Variants in ZFPM2 observed in about 807,000 individuals in gnomAD.
The protein encoded by ZFPM2 is zinc finger protein, FOG family member 2.
Under a neutral mutation model 98.6 loss-of-function variants are expected in ZFPM2, and 20 were observed. The observed-to-expected ratio is 0.20, with a 90% CI of 0.14 to 0.29. The LOEUF (loss-of-function observed/expected upper bound fraction) is 0.29. Ranked by LOEUF, ZFPM2 falls within the 10% of genes least tolerant of loss-of-function variation. ZFPM2 has a pLI of 1.00. For synonymous variants in ZFPM2, 518 were observed against 502.7 expected, an observed-to-expected ratio of 1.03 and a Z score of -0.41; for missense variants, 1,310 against 1,388.6, an observed-to-expected ratio of 0.94 and a Z score of 0.90.
intron 3 of ZFPM2, among the ~76,000 whole-genome samples, chr8:105,559,023 A>G (rs564913660): frequency 3.7e-4 from 56 of 152,270 alleles, no homozygotes; most frequent in African/African-American, 1.3e-3. Flanking sequence ...GAATATGCAT[A>G]TATTGAGTCG....
At chr8:105,359,927 C>T (rs1397687435) in intron 1 of ZFPM2, among the ~76,000 whole-genome samples, 1 of 152,134 alleles carries the variant, frequency 6.6e-6, no homozygotes. Context: ...CTATGATGAG[C>T]AAGGGAAAGC....
At chr8:105,600,699 A>G (rs1177276582) in intron 4 of ZFPM2, among the ~76,000 whole-genome samples, 2 of 151,646 alleles carry the variant, frequency 1.3e-5, no homozygotes, top group African/African-American at 2.4e-5. Context: ...ATTGTTTTGG[A>G]TAATCATATG....
intron 5 of ZFPM2, among the ~76,000 whole-genome samples, chr8:105,697,161 ACTTTATAGTTCCACTT>A (rs570199425): frequency 1.5e-3 from 221 of 152,322 alleles, no homozygotes; most frequent in Middle Eastern, 0.01. Context: ...TTACTGTGAT[ACTTTATAGTTCCACTT>A]CTGTCTTACC....
chr8:105,575,212 A>G (rs1394894406), intron 4 of ZFPM2, among the ~76,000 whole-genome samples: 1 of 152,160 alleles, frequency 6.6e-6, no homozygotes, highest in African/African-American at 2.4e-5. Context: ...TACTTCATTA[A>G]TCAAGTGGAG....
chr8:105,498,628 C>A (rs759140737), intron 3 of ZFPM2, among the ~76,000 whole-genome samples: 1 of 152,182 alleles, frequency 6.6e-6, no homozygotes, highest in Non-Finnish European at 1.5e-5. Flanking sequence ...AGTTAAATCC[C>A]TGCAAAATAG....
chr8:105,545,373 G>A (rs934259102), intron 3 of ZFPM2, among the ~76,000 whole-genome samples: 1 of 152,106 alleles, frequency 6.6e-6, no homozygotes, highest in African/African-American at 2.4e-5. Context: ...CATCTCTCAT[G>A]TAAGTTGGTG....
chr8:105,659,797 C>T (rs1352971978), intron 5 of ZFPM2, among the ~76,000 whole-genome samples: 3 of 152,258 alleles, frequency 2.0e-5, no homozygotes, highest in South Asian at 2.1e-4. Context: ...AATAGTTTTA[C>T]ATGAGTTTGC....
At chr8:105,640,170 G>T (rs1563753882) in intron 5 of ZFPM2, among the ~76,000 whole-genome samples, 1 of 151,874 alleles carries the variant, frequency 6.6e-6, no homozygotes, top group African/African-American at 2.4e-5. Flanking sequence ...GAAGAAGTTG[G>T]GATTCAATCT....
intron 1 of ZFPM2, among the ~76,000 whole-genome samples, chr8:105,398,621 C>T (rs1161783354): frequency 6.6e-6 from 1 of 152,062 alleles, no homozygotes; most frequent in Non-Finnish European, 1.5e-5. Context: ...CAACCTAGAT[C>T]CCTCACATGC....
intron 4 of ZFPM2, among the ~76,000 whole-genome samples, chr8:105,612,418 C>T (rs963017101): frequency 6.6e-5 from 10 of 151,898 alleles, no homozygotes; most frequent in African/African-American, 2.4e-4. Flanking sequence ...CCTGAGAGGT[C>T]TGCAGTCTCT....
chr8:105,552,135 G>A (rs1159964189), intron 3 of ZFPM2, among the ~76,000 whole-genome samples: 2 of 151,992 alleles, frequency 1.3e-5, no homozygotes, highest in East Asian at 1.9e-4. Context: ...TCTTGTCATC[G>A]GACAGGATCA....
chr8:105,410,635 C>T (rs1430773649), intron 1 of ZFPM2, among the ~76,000 whole-genome samples: 2 of 151,678 alleles, frequency 1.3e-5, no homozygotes, highest in East Asian at 3.9e-4. Flanking sequence ...TTGATGTAAA[C>T]GTATTTGATA....
At chr8:105,489,467 T>TATATATATATATATATATATATA (rs372429625) in intron 3 of ZFPM2, among the ~76,000 whole-genome samples, 5 of 88,030 alleles carry the variant, frequency 5.7e-5, no homozygotes, top group African/African-American at 2.7e-4. Context: ...TATATATATA[T>TATATATATATATATATATATATA]TTTTTTTTTT....
At chr8:105,482,116 G>T (rs1813131997) in intron 3 of ZFPM2, among the ~76,000 whole-genome samples, 1 of 152,052 alleles carries the variant, frequency 6.6e-6, no homozygotes, top group South Asian at 2.1e-4. Context: ...TATGACAATG[G>T]ATTTGTCAGC....
intron 4 of ZFPM2, among the ~76,000 whole-genome samples, chr8:105,580,823 CTCTCTA>C (rs541750245): frequency 1.2e-4 from 15 of 129,286 alleles, no homozygotes; most frequent in Non-Finnish European, 1.3e-4. Context: ...CTCTCTCTCT[CTCTCTA>C]TATATATATA....
chr8:105,641,701 T>A (rs1816951657), intron 5 of ZFPM2, among the ~76,000 whole-genome samples: 1 of 152,134 alleles, frequency 6.6e-6, no homozygotes, highest in African/African-American at 2.4e-5. Context: ...AGTCTGGGTG[T>A]ACTGAATAGT....
At chr8:105,678,747 C>G (rs1246579916) in intron 5 of ZFPM2, 3 of 152,178 alleles carry the variant, frequency 2.0e-5, no homozygotes, top group Non-Finnish European at 4.4e-5. Flanking sequence ...TGTACAAGTG[C>G]TTAAATCAAC....
Position 105,801,933 on chromosome 8 carries a change from G to A in ZFPM2, c.1851G>A (p.Glu617=), listed in dbSNP as rs376766358. ...CAGCTGCTCATTCTGCTGATCCTGAGAATCCACTTCTTCAAACATCTTGCA... is the reference window on the plus strand; with the variant it reads ...CAGCTGCTCATTCTGCTGATCCTGAAAATCCACTTCTTCAAACATCTTGCA... ...LNPAAHSADP[E]NPLLQTSCIN... is the part of the protein sequence containing the mutation. Residue 617 remains glutamate, a synonymous_variant, in exon 8 of 8, where the codon GAG becomes GAA. Transcript: ENST00000407775. The A allele has an allele frequency of 2.5e-5, 41 of 1,613,768 alleles. No individual in the cohort carries two copies. Among genetic ancestry groups the A allele is most frequent in the Middle Eastern group, 1.6e-4 (1 of 6,084 alleles).
At chr8:105,347,287 T>C (rs1812557228) in intron 1 of ZFPM2, among the ~76,000 whole-genome samples, 2 of 152,184 alleles carry the variant, frequency 1.3e-5, no homozygotes, top group Admixed American at 6.5e-5. Flanking sequence ...ATATGAAACA[T>C]AAAACTTCCA....
Sources: gnomAD v4.1 joint callset for allele counts (sites outside exome capture counted in the v4.1 genomes callset) on GRCh38, gnomAD v4.1.1 for gene constraint, MANE v1.5 for transcripts, NCBI Gene and HGNC (gene_info 2026-07-23, HGNC 2026-07-21) for gene names.